COP1: variants seen among roughly 807,000 people sequenced by gnomAD.
COP1 encodes COP1 E3 ubiquitin ligase.
In COP1, 24 loss-of-function variants were observed where a neutral mutation model predicts 101.3. That is an observed-to-expected ratio of 0.24 (90% CI 0.17 to 0.33). COP1 has a LOEUF of 0.33. Among genes scored for constraint, COP1 ranks in the 10% least tolerant of loss-of-function variants. The pLI is 1.00. For missense variants in COP1, 663 were observed against 906.2 expected (o/e 0.73, Z 3.45); for synonymous variants, 347 against 341.9 (o/e 1.01, Z -0.17).
At chr1:176,059,556 C>G (rs923567298) in intron 11 of COP1, among the ~76,000 whole-genome samples, 1 of 151,896 alleles carries the variant, frequency 6.6e-6, no homozygotes, top group Non-Finnish European at 1.5e-5. Flanking sequence ...GATCTCAGCT[C>G]ACTGCAACCT....
At chr1:176,158,758 G>A (rs1384029674) in intron 5 of COP1, among the ~76,000 whole-genome samples, 1 of 145,556 alleles carries the variant, frequency 6.9e-6, no homozygotes, top group Non-Finnish European at 1.5e-5. Flanking sequence ...TCCTACCTCT[G>A]CCTCCCAAGT....
At chr1:176,165,360 T>TGTGTG (rs1558240408) in intron 3 of COP1, among the ~76,000 whole-genome samples, 1 of 104,304 alleles carries the variant, frequency 9.6e-6, no homozygotes, top group Non-Finnish European at 2.1e-5. Context: ...GAGATGTGTG[T>TGTGTG]CGTGTGTGTG....
intron 11 of COP1, among the ~76,000 whole-genome samples, chr1:176,075,011 T>C (rs1445731800): frequency 6.6e-6 from 1 of 152,178 alleles, no homozygotes; most frequent in East Asian, 1.9e-4. Flanking sequence ...AACTGTTTCA[T>C]AAACTATTCT....
intron 5 of COP1, among the ~76,000 whole-genome samples, chr1:176,162,232 T>C (rs749827963): frequency 1.3e-5 from 2 of 152,216 alleles, no homozygotes; most frequent in African/African-American, 2.4e-5. Context: ...ACTCACTTAC[T>C]GTCTCAATAA....
intron 7 of COP1, among the ~76,000 whole-genome samples, chr1:176,135,751 A>G (rs1689694283): frequency 6.6e-6 from 1 of 152,048 alleles, no homozygotes; most frequent in Admixed American, 6.6e-5. Flanking sequence ...CAAATTTTAA[A>G]ATGCCACTAA....
At chr1:176,169,756 C>T (rs1695752320) in intron 3 of COP1, among the ~76,000 whole-genome samples, 1 of 152,162 alleles carries the variant, frequency 6.6e-6, no homozygotes, top group African/African-American at 2.4e-5. Flanking sequence ...CTGGCTGTGG[C>T]AATTTCTTAA....
intron 15 of COP1, among the ~76,000 whole-genome samples, chr1:175,994,847 G>A (rs1571489450): frequency 6.6e-6 from 1 of 152,134 alleles, no homozygotes; most frequent in African/African-American, 2.4e-5. Context: ...GAGACAGAAA[G>A]TCAACAAGGA....
chr1:176,107,572 C>A (rs1684528937), intron 9 of COP1, among the ~76,000 whole-genome samples: 1 of 151,964 alleles, frequency 6.6e-6, no homozygotes, highest in Non-Finnish European at 1.5e-5. Flanking sequence ...TATAAACATA[C>A]AAAGAGAAGG....
chr1:175,991,437 G>A (rs1658427010), intron 15 of COP1, among the ~76,000 whole-genome samples: 1 of 152,138 alleles, frequency 6.6e-6, no homozygotes, highest in African/African-American at 2.4e-5. Context: ...GAGTTTGCAG[G>A]ACTGAAAATT....
At chr1:176,002,232 T>C (rs1196464126) in intron 15 of COP1, among the ~76,000 whole-genome samples, 2 of 152,148 alleles carry the variant, frequency 1.3e-5, no homozygotes, top group African/African-American at 4.8e-5. Flanking sequence ...TGCTTGATGG[T>C]GTCTCCAGGT....
rs767331588 is a variant in COP1 at position 175,988,351 on chromosome 1, T to G, written c.1909A>C (p.Lys637Gln). 6 of 1,612,402 alleles carry G rather than the reference T, an allele frequency of 3.7e-6. No individual in the cohort carries two copies. Among genetic ancestry groups the G allele is most frequent in the Non-Finnish European group, 5.1e-6 (6 of 1,178,652 alleles). The change falls in exon 17 of 20, where the codon AAG becomes CAG. Residue 637 changes from lysine to glutamine, a missense_variant. By Grantham distance (53) the Lys-to-Gln change is moderately conservative (BLOSUM62 1). Around this residue, in one of 4 missense-constraint regions of COP1, gnomAD observed 209 missense variants for 383.3 expected, o/e 0.55. Coordinates refer to ENST00000367669, the MANE Select transcript of COP1 (RefSeq NM_022457.7). Reference sequence around the variant, plus strand: ...AAGTTTTTTTCATTGATATGACCCTTGAAGGAACGTAGGCAGTATGGTTTC... The same window carrying G: ...AAGTTTTTTTCATTGATATGACCCTGGAAGGAACGTAGGCAGTATGGTTTC... ...VGKPYCLRSF[K>Q]GHINEKNFVG...
intron 18 of COP1, among the ~76,000 whole-genome samples, chr1:175,950,863 T>C (rs1479646034): frequency 6.6e-6 from 1 of 152,150 alleles, no homozygotes; most frequent in East Asian, 1.9e-4. Flanking sequence ...ACATTTTTAG[T>C]AGCACACGTA....
intron 9 of COP1, among the ~76,000 whole-genome samples, chr1:176,115,471 G>A (rs570520047): frequency 1.3e-5 from 2 of 151,552 alleles, no homozygotes; most frequent in African/African-American, 4.8e-5. Flanking sequence ...AAAAATGGCT[G>A]AGCACGCTGG....
intron 13 of COP1, 79 bp from the exon 14 acceptor site, chr1:176,043,346 A>G (rs7514933): frequency 4.2e-4 from 347 of 829,316 alleles, no homozygotes; most frequent in South Asian, 1.2e-3. Flanking sequence ...AAAAAACCTG[A>G]TATCAATTTA....
chr1:175,947,388 T>G (rs867154946), intron 18 of COP1, 149 bp from the exon 19 acceptor site: 1 of 573,920 alleles, frequency 1.7e-6, no homozygotes, highest in South Asian at 2.0e-5. Flanking sequence ...TTTTTTTTTT[T>G]GAGACGGAGT....
At chr1:176,181,385 G>T (rs1697729160) in intron 2 of COP1, among the ~76,000 whole-genome samples, 2 of 148,670 alleles carry the variant, frequency 1.3e-5, no homozygotes, top group Non-Finnish European at 3.0e-5. Flanking sequence ...CACATGTTAG[G>T]AAAGAGTAAA....
chr1:176,115,982 G>A (rs1403751385), intron 9 of COP1, among the ~76,000 whole-genome samples: 1 of 152,060 alleles, frequency 6.6e-6, no homozygotes, highest in Non-Finnish European at 1.5e-5. Flanking sequence ...TTCAATGACA[G>A]ATTTATAATT....
At chr1:176,043,914 A>T (rs2149187614) in intron 12 of COP1, 96 bp from the exon 13 acceptor site, 1 of 749,580 alleles carries the variant, frequency 1.3e-6, no homozygotes, top group South Asian at 1.6e-5. Flanking sequence ...GCACTATTTT[A>T]AAATGGTCTC....
chr1:175,967,001 A>G (rs1652146569), intron 18 of COP1, among the ~76,000 whole-genome samples: 1 of 152,228 alleles, frequency 6.6e-6, no homozygotes, highest in African/African-American at 2.4e-5. Flanking sequence ...TTTCAAAATC[A>G]GTTAATCCCA....
Sources: gnomAD v4.1 joint callset for allele counts (sites outside exome capture counted in the v4.1 genomes callset) on GRCh38, gnomAD v4.1.1 for gene constraint, gnomAD v4.1.1 regional missense constraint, MANE v1.5 for transcripts, NCBI Gene and HGNC (gene_info 2026-07-23, HGNC 2026-07-21) for gene names.